Variants in ADAM19 observed in about 807,000 individuals in gnomAD.
The protein encoded by ADAM19 is ADAM metallopeptidase domain 19.
ADAM19 carries 65 observed loss-of-function variants against 114.7 expected under a neutral mutation model. That is an observed-to-expected ratio of 0.57 (90% CI 0.46 to 0.70). ADAM19 has a LOEUF of 0.70. Among genes scored for constraint, ADAM19 ranks in the 30% least tolerant of loss-of-function variants. The probability of loss-of-function intolerance (pLI) is 0.00; values close to 1 mark genes in which losing one functional copy is unlikely to be tolerated. For missense variants in ADAM19, 1,063 were observed against 1,204.7 expected, an observed-to-expected ratio of 0.88 and a Z score of 1.74; for synonymous variants, 466 against 460.5, an observed-to-expected ratio of 1.01 and a Z score of -0.15.
chr5:157,564,494 C>T lies in ADAM19; in HGVS notation c.181-51G>A. ...AGTTCCTAAAAGCCGGCACCAGGCT[C>T]CCTGGGTCGGGCACAGGATCTAGCA... On this transcript the variant is annotated intron_variant, in intron 2 of 22. Transcript: ENST00000257527. 6 of 1,549,960 alleles carry T rather than the reference C, an allele frequency of 3.9e-6. No homozygotes were observed. The South Asian group carries it at 6.7e-5, about 17-fold the overall frequency.
chr5:157,495,034 A>C (rs1755311584), intron 14 of ADAM19, among the ~76,000 whole-genome samples: 1 of 151,940 alleles, frequency 6.6e-6, no homozygotes, highest in Non-Finnish European at 1.5e-5. Flanking sequence ...CTGTCACCCA[A>C]GCTGTAATAC....
At chr5:157,552,298 C>T (rs1757221229) in intron 3 of ADAM19, among the ~76,000 whole-genome samples, 1 of 152,104 alleles carries the variant, frequency 6.6e-6, no homozygotes, top group South Asian at 2.1e-4. Flanking sequence ...TTAGTACAAC[C>T]ACTATGTCAT....
intron 3 of ADAM19, among the ~76,000 whole-genome samples, chr5:157,555,101 CCTGGA>C (rs1757330143): frequency 6.6e-6 from 1 of 152,194 alleles, no homozygotes; most frequent in Non-Finnish European, 1.5e-5. Context: ...CAGTTAAAAG[CCTGGA>C]CTTGGGAGTC....
At chr5:157,564,952 T>C (rs996650659) in intron 2 of ADAM19, among the ~76,000 whole-genome samples, 1 of 152,172 alleles carries the variant, frequency 6.6e-6, no homozygotes, top group African/African-American at 2.4e-5. Context: ...CAAGCCATGA[T>C]ACATATTGCC....
chr5:157,502,256 C>T (rs1036341303), intron 12 of ADAM19, among the ~76,000 whole-genome samples: 1 of 152,166 alleles, frequency 6.6e-6, no homozygotes, highest in Non-Finnish European at 1.5e-5. Context: ...CGGGCTCTGC[C>T]GTGTACCCTC....
intron 19 of ADAM19, among the ~76,000 whole-genome samples, chr5:157,489,581 A>G (rs13155908): frequency 0.097 from 14,786 of 152,306 alleles, 865 homozygotes; most frequent in Middle Eastern, 0.16. Flanking sequence ...GAGACTGTAC[A>G]TCTTCCATAT....
chr5:157,555,471 GT>G (rs879332183), intron 3 of ADAM19, among the ~76,000 whole-genome samples: 4 of 152,110 alleles, frequency 2.6e-5, no homozygotes, highest in Non-Finnish European at 4.4e-5. Flanking sequence ...TGCTCAATAT[GT>G]TTTTTTCTCT....
intron 8 of ADAM19, among the ~76,000 whole-genome samples, chr5:157,512,219 C>T (rs145589313): frequency 5.6e-4 from 85 of 152,294 alleles, no homozygotes; most frequent in African/African-American, 1.9e-3. Flanking sequence ...TGTCACTGAC[C>T]ACTGACCTTT....
chr5:157,570,842 CA>C, intron 2 of ADAM19, 52 bp downstream of exon 2: 1 of 1,517,784 alleles, frequency 6.6e-7, no homozygotes, highest in Non-Finnish European at 9.1e-7. Context: ...GTAGGTAGCC[CA>C]AACCTCAGTT....
intron 3 of ADAM19, among the ~76,000 whole-genome samples, chr5:157,542,109 C>T (rs1042841565): frequency 6.6e-6 from 1 of 152,152 alleles, no homozygotes; most frequent in African/African-American, 2.4e-5. Flanking sequence ...TCTTATTTCA[C>T]CTGGAGGGTC....
At chr5:157,559,420 T>C (rs1757454687) in intron 3 of ADAM19, among the ~76,000 whole-genome samples, 1 of 152,354 alleles carries the variant, frequency 6.6e-6, no homozygotes, top group South Asian at 2.1e-4. Context: ...AGCCATTCAT[T>C]TGCTTTTGAA....
At position 157,505,761 on chromosome 5, in the gene ADAM19, C is replaced by T; in HGVS notation, c.1038G>A (p.Glu346=). 3.1e-6 allele frequency: 5 copies of T among 1,614,140 alleles called. No homozygotes were observed. Among genetic ancestry groups the T allele is most frequent in the Non-Finnish European group, 4.2e-6 (5 of 1,179,998 alleles). The part of the protein sequence containing the change: ...AIGVAATMAH[E]MGHNFGMTHD... ...GGGTCATGCCAAAGTTGTGGCCCAT[C>T]TCGTGGGCCATGGTGGCAGCCACGC... Residue 346 remains glutamate, a synonymous_variant, in exon 11 of 23, where the codon GAG becomes GAA. Transcript: ENST00000257527.
intron 4 of ADAM19, 55 bp from the exon 5 acceptor site, chr5:157,530,938 G>C (rs1427449950): frequency 6.9e-7 from 1 of 1,454,028 alleles, no homozygotes; most frequent in East Asian, 2.3e-5. Context: ...GCATGGCAAT[G>C]TTAATATCTC....
intron 3 of ADAM19, among the ~76,000 whole-genome samples, chr5:157,539,560 G>A (rs1027787501): frequency 1.3e-5 from 2 of 152,204 alleles, no homozygotes; most frequent in African/African-American, 4.8e-5. Context: ...CCTGTACTAT[G>A]TCAAGGCCTT....
At chr5:157,543,567 G>A (rs1028712794) in intron 3 of ADAM19, among the ~76,000 whole-genome samples, 7 of 152,144 alleles carry the variant, frequency 4.6e-5, no homozygotes, top group Non-Finnish European at 1.0e-4. Flanking sequence ...AAAGTAGAAA[G>A]TATTTGTGCT....
intron 5 of ADAM19, among the ~76,000 whole-genome samples, chr5:157,523,899 G>C (rs751467468): frequency 1.3e-4 from 20 of 152,228 alleles, no homozygotes; most frequent in Non-Finnish European, 2.2e-4. Context: ...GATTCAGGGA[G>C]TGGGCAGATT....
In ADAM19 at chr5:157,480,111, A is replaced by G; in HGVS notation, c.*838T>C. 1.0e-6 allele frequency: 1 copy of G among 985,972 alleles called. No homozygotes were observed. Among genetic ancestry groups the G allele is most frequent in the Non-Finnish European group, 1.2e-6 (1 of 829,992 alleles). 61.1% of individuals were successfully genotyped at this position (985,972 alleles called of 1,614,324 possible). The stretch of plus-strand genomic sequence containing the variant: ...GGACTGCTGAGGGTTTGCTCACCAA[A>G]GCACCACACATTAGAGGGAGAATGA... On this transcript the variant is annotated 3_prime_UTR_variant, in exon 23 of 23. Transcript: ENST00000257527.
At chr5:157,569,030 A>G (rs1007640240) in intron 2 of ADAM19, 3 of 152,184 alleles carry the variant, frequency 2.0e-5, no homozygotes, top group African/African-American at 7.2e-5. Flanking sequence ...TATAAAAAGT[A>G]GCAGGTCCAT....
At chr5:157,569,416 CTT>C (rs1196722802) in intron 2 of ADAM19, among the ~76,000 whole-genome samples, 25 of 97,864 alleles carry the variant, frequency 2.6e-4, no homozygotes, top group African/African-American at 9.5e-4. Context: ...AGCTAATTTT[CTT>C]TTTTTTTTTT....
Sources: allele counts gnomAD v4.1 joint callset (sites outside exome capture counted in the v4.1 genomes callset), GRCh38; gene constraint gnomAD v4.1.1; transcripts MANE v1.5; gene names NCBI Gene and HGNC (gene_info 2026-07-23, HGNC 2026-07-21).